Variants in TCF4 observed in about 807,000 individuals in gnomAD.
TCF4 encodes the protein SL3-3 enhancer factor 2.
Under a neutral mutation model 82.1 loss-of-function variants are expected in TCF4, and 3 were observed. The observed-to-expected ratio is 0.04, with a 90% CI of 0.02 to 0.09. The LOEUF is 0.09. TCF4 is among the 10% of genes least tolerant of loss of function. The pLI is 1.00. For synonymous variants in TCF4, 276 were observed against 309.6 expected (o/e 0.89, Z 1.14); for missense variants, 518 against 852.7 (o/e 0.61, Z 4.89).
At chr18:55,351,885 A>C (rs2082393437) in intron 6 of TCF4, 5 of 885,264 alleles carry the variant, frequency 5.6e-6, no homozygotes, top group Non-Finnish European at 6.8e-6. Context: ...AGTAGATAGT[A>C]CCATTTATAT....
intron 2 of TCF4, among the ~76,000 whole-genome samples, chr18:55,604,959 C>A (rs973705078): frequency 3.9e-5 from 6 of 152,150 alleles, no homozygotes; most frequent in Non-Finnish European, 7.4e-5. Flanking sequence ...GAAATTCCAG[C>A]CCTTTTCCCT....
chr18:55,521,436 A>C (rs1350459143), intron 3 of TCF4, among the ~76,000 whole-genome samples: 4 of 152,166 alleles, frequency 2.6e-5, no homozygotes, highest in Non-Finnish European at 5.9e-5. Context: ...GCTTTACAAC[A>C]CCAAAAGCAA....
At chr18:55,306,371 T>A in intron 8 of TCF4, among the ~76,000 whole-genome samples, 1 of 152,224 alleles carries the variant, frequency 6.6e-6, no homozygotes, top group East Asian at 1.9e-4. Flanking sequence ...TTTATACTAC[T>A]GATTCCAAAT....
upstream of TCF4, chr18:55,589,958 G>A: frequency 2.1e-6 from 1 of 472,846 alleles, no homozygotes; most frequent in Non-Finnish European, 2.8e-6. Context: ...GGGAGCGGAG[G>A]CGGGTGGCTG....
At chr18:55,270,949 T>A (rs1159808999) in intron 10 of TCF4, among the ~76,000 whole-genome samples, 6 of 152,158 alleles carry the variant, frequency 3.9e-5, no homozygotes, top group Admixed American at 3.9e-4. Flanking sequence ...TTTTTCTTCA[T>A]ATGCAATATA....
At chr18:55,634,764 T>C (rs552681212) in intron 1 of TCF4, among the ~76,000 whole-genome samples, 3 of 152,302 alleles carry the variant, frequency 2.0e-5, no homozygotes, top group South Asian at 2.1e-4. Flanking sequence ...TTCAATAATC[T>C]AGACAGGAAA....
intron 5 of TCF4, among the ~76,000 whole-genome samples, chr18:55,438,017 A>G (rs2095365040): frequency 6.6e-6 from 1 of 152,148 alleles, no homozygotes; most frequent in Admixed American, 6.5e-5. Context: ...CCTGGCCAAC[A>G]TGGTGAAACC....
intron 3 of TCF4, among the ~76,000 whole-genome samples, chr18:55,531,793 C>T (rs907549459): frequency 6.6e-6 from 1 of 152,168 alleles, no homozygotes; most frequent in Non-Finnish European, 1.5e-5. Context: ...AATTCATAAG[C>T]ATTTAAGAAT....
chr18:55,315,881 GGACTATGATGATTTCCTAAAT>G (rs2073998544), intron 8 of TCF4, among the ~76,000 whole-genome samples: 1 of 151,270 alleles, frequency 6.6e-6, no homozygotes, highest in South Asian at 2.1e-4. Flanking sequence ...TTTTTTTTTA[GGACTATGATGATTTCCTAAAT>G]AGATTATAAA....
chr18:55,513,404 C>T lies in TCF4; in HGVS notation c.146-49267G>A, dbSNP rs996255085. On this transcript the variant is annotated intron_variant, in intron 3 of 19. Coordinates refer to ENST00000354452, the MANE Select transcript of TCF4 (RefSeq NM_001083962.2). ...TTTTTTTACATCAATAGCCCATCTCCATATAAATGTCTAATTTTGCAACAC... is the reference window on the plus strand; with the variant it reads ...TTTTTTTACATCAATAGCCCATCTCTATATAAATGTCTAATTTTGCAACAC... Among the ~76,000 whole-genome samples the T allele has an allele frequency of 2.0e-5, 3 of 149,498 alleles. No homozygotes were observed. The East Asian group carries it at 5.9e-4, about 29-fold the overall frequency.
intron 3 of TCF4, among the ~76,000 whole-genome samples, chr18:55,487,014 T>A (rs895492220): frequency 2.0e-5 from 3 of 152,174 alleles, no homozygotes; most frequent in Non-Finnish European, 4.4e-5. Context: ...CACTTCTCCA[T>A]ACAAAAATCT....
intron 3 of TCF4, among the ~76,000 whole-genome samples, chr18:55,572,222 T>C (rs1290554100): frequency 6.6e-6 from 1 of 152,154 alleles, no homozygotes; most frequent in Non-Finnish European, 1.5e-5. Flanking sequence ...ATCCAACCCA[T>C]GCCCACAGTA....
intron 5 of TCF4, among the ~76,000 whole-genome samples, chr18:55,408,856 G>C (rs148840888): frequency 1.3e-5 from 2 of 151,374 alleles, no homozygotes; most frequent in Admixed American, 1.3e-4. Flanking sequence ...CTAGAGGCCC[G>C]ACACTGAAGA....
At chr18:55,613,634 A>G (rs2147967902) in intron 2 of TCF4, among the ~76,000 whole-genome samples, 1 of 152,314 alleles carries the variant, frequency 6.6e-6, no homozygotes, top group South Asian at 2.1e-4. Context: ...GCAAAGGGGA[A>G]GCAAGTACCT....
rs1015537208 is a variant in TCF4, at chr18:55,633,652, T to A, written c.195+2051A>T. Among the ~76,000 whole-genome samples, 4 of 152,058 alleles carry A rather than the reference T, an allele frequency of 2.6e-5. No homozygotes were observed. The highest frequency in any genetic ancestry group is 9.7e-5 in the African/African-American group (4 of 41,390). On this transcript the variant is annotated intron_variant, in intron 1 of 20. Transcript: ENST00000398339. The surrounding 1 kb of genome is among the most constrained non-coding windows in gnomAD (Gnocchi z 4.0). ...GAGGCTAGAGCAGGGGTGGGCAAAC[T>A]TTTTCTGTAAAGGGCCAGATAGCAA... is the stretch of plus-strand genomic sequence containing the variant.
intron 3 of TCF4, among the ~76,000 whole-genome samples, chr18:55,547,793 G>A (rs1022147319): frequency 2.0e-5 from 3 of 152,108 alleles, no homozygotes; most frequent in African/African-American, 7.2e-5. Context: ...TCTGGTCTCA[G>A]GCCTCTTTAG....
chr18:55,342,980 T>C (rs573512374), intron 8 of TCF4, among the ~76,000 whole-genome samples: 2 of 152,232 alleles, frequency 1.3e-5, no homozygotes, highest in South Asian at 2.1e-4. Flanking sequence ...AGGAGGCATA[T>C]TTAGAATGAT....
chr18:55,534,598 G>A (rs927695640), intron 3 of TCF4, among the ~76,000 whole-genome samples: 23 of 152,162 alleles, frequency 1.5e-4, no homozygotes, highest in Non-Finnish European at 7.3e-5. Flanking sequence ...GCAGAGTAGC[G>A]GCTGGGACTT....
intron 8 of TCF4, among the ~76,000 whole-genome samples, chr18:55,339,486 A>T (rs1418589524): frequency 6.6e-6 from 1 of 152,206 alleles, no homozygotes; most frequent in South Asian, 2.1e-4. Context: ...TCGGCTTTCC[A>T]GAGAAAAATT....
Sources: gnomAD v4.1 joint callset for allele counts (sites outside exome capture counted in the v4.1 genomes callset) on GRCh38, gnomAD v4.1.1 for gene constraint, Gnocchi (gnomAD v3.1) non-coding constraint, MANE v1.5 for transcripts, NCBI Gene and HGNC (gene_info 2026-07-23, HGNC 2026-07-21) for gene names.